The following CACNA1D variants were observed in gnomAD, a reference collection of about 807,000 sequenced individuals.
CACNA1D encodes the protein calcium voltage-gated channel subunit alpha1 D.
A neutral mutation model predicts 257.1 loss-of-function variants in CACNA1D; 55 were observed. The ratio of observed to expected loss-of-function variants is 0.21; its 90% CI spans 0.17 to 0.27. The LOEUF (loss-of-function observed/expected upper bound fraction) is 0.27, where lower values mean the gene tolerates loss of function less well. Among genes scored for constraint, CACNA1D ranks in the 10% least tolerant of loss-of-function variants. The pLI, the probability that CACNA1D is intolerant of heterozygous loss-of-function variation, is 1.00. For synonymous variants in CACNA1D, 980 were observed against 1,014.9 expected (o/e 0.97, Z 0.65); for missense variants, 1,876 against 2,784.0 (o/e 0.67, Z 7.34).
intron 19 of CACNA1D, among the ~76,000 whole-genome samples, chr3:53,734,004 A>G (rs576537623): frequency 3.3e-5 from 1 of 30,008 alleles, no homozygotes; most frequent in East Asian, 2.4e-3. Flanking sequence ...ATATACATAT[A>G]TATATGTGTG....
chr3:53,781,471 C>T (rs2095424985), intron 38 of CACNA1D, 95 bp from the exon 39 acceptor site: 1 of 817,812 alleles, frequency 1.2e-6, no homozygotes, highest in Admixed American at 1.9e-5. Context: ...GCAGCATGTT[C>T]ATCCAGGTCA....
intron 3 of CACNA1D, among the ~76,000 whole-genome samples, chr3:53,608,099 C>T (rs982785199): frequency 6.6e-6 from 1 of 152,158 alleles, no homozygotes; most frequent in Non-Finnish European, 1.5e-5. Flanking sequence ...GGAGAATTGA[C>T]ATTTTAATAT....
At chr3:53,581,630 C>G (rs949182616) in intron 3 of CACNA1D, among the ~76,000 whole-genome samples, 1 of 152,210 alleles carries the variant, frequency 6.6e-6, no homozygotes, top group Non-Finnish European at 1.5e-5. Flanking sequence ...TCTGGAACAT[C>G]AGGGCTGACA....
intron 40 of CACNA1D, among the ~76,000 whole-genome samples, chr3:53,788,061 G>T (rs1231391930): frequency 6.6e-6 from 1 of 152,152 alleles, no homozygotes; most frequent in Admixed American, 6.5e-5. Flanking sequence ...TCAAAGTGAT[G>T]GTAACAGCCC....
chr3:53,796,457 G>A, intron 40 of CACNA1D: 1 of 453,074 alleles, frequency 2.2e-6, no homozygotes, highest in Non-Finnish European at 4.5e-6. Context: ...CGCTGTGAGG[G>A]CTGGCAGATG....
chr3:53,797,898 T>G (rs2106732133), intron 40 of CACNA1D: 1 of 152,340 alleles, frequency 6.6e-6, no homozygotes, highest in Middle Eastern at 3.4e-3. Flanking sequence ...CAAATTTACT[T>G]GGGGGTGTTG....
At chr3:53,710,272 G>C in intron 9 of CACNA1D, 1 of 410,316 alleles carries the variant, frequency 2.4e-6, no homozygotes, top group Admixed American at 2.6e-5. Flanking sequence ...GGGGTCTGGG[G>C]CAGGCGGGCG....
intron 8 of CACNA1D, chr3:53,679,891 T>A (rs1370945578): frequency 6.6e-6 from 1 of 152,244 alleles, no homozygotes; most frequent in Non-Finnish European, 1.5e-5. Flanking sequence ...CTCACATGGC[T>A]TGGCTTTGGT....
At chr3:53,571,577 G>T (rs2107690115) in intron 3 of CACNA1D, among the ~76,000 whole-genome samples, 1 of 152,214 alleles carries the variant, frequency 6.6e-6, no homozygotes, top group East Asian at 1.9e-4. Context: ...CAGGTTCTCT[G>T]TGGTCAGGGA....
chr3:53,520,983 T>G (rs953456002), intron 3 of CACNA1D, among the ~76,000 whole-genome samples: 2 of 151,402 alleles, frequency 1.3e-5, no homozygotes, highest in Non-Finnish European at 1.5e-5. Flanking sequence ...TTCTCTTTCT[T>G]TTCCTTTTCT....
At chr3:53,573,401 T>G (rs1276690632) in intron 3 of CACNA1D, among the ~76,000 whole-genome samples, 1 of 152,212 alleles carries the variant, frequency 6.6e-6, no homozygotes, top group East Asian at 1.9e-4. Context: ...GCCTTTGTAC[T>G]TGCTCGGCCT....
intron 3 of CACNA1D, among the ~76,000 whole-genome samples, chr3:53,557,904 G>A (rs913539287): frequency 4.6e-5 from 7 of 152,202 alleles, no homozygotes; most frequent in Admixed American, 6.5e-5. Flanking sequence ...AAAGCCTGCT[G>A]TGATTTTGAT....
intron 9 of CACNA1D, among the ~76,000 whole-genome samples, chr3:53,713,333 C>T (rs2094780904): frequency 6.6e-6 from 1 of 152,204 alleles, no homozygotes; most frequent in African/African-American, 2.4e-5. Context: ...GTCCCATTGT[C>T]ACCTGATGAT....
chr3:53,655,265 C>A (rs2094137264), intron 4 of CACNA1D, among the ~76,000 whole-genome samples: 1 of 152,112 alleles, frequency 6.6e-6, no homozygotes, highest in Non-Finnish European at 1.5e-5. Context: ...GTGAATAGTG[C>A]CACAGTGAAC....
chr3:53,515,013 C>T (rs1168436733), intron 3 of CACNA1D, among the ~76,000 whole-genome samples: 2 of 152,136 alleles, frequency 1.3e-5, no homozygotes, highest in Non-Finnish European at 2.9e-5. Context: ...GGACCATACC[C>T]CATCATCATT....
chr3:53,559,494 A>T (rs2107627561), intron 3 of CACNA1D, among the ~76,000 whole-genome samples: 1 of 152,280 alleles, frequency 6.6e-6, no homozygotes, highest in South Asian at 2.1e-4. Flanking sequence ...CTGGTTGCAA[A>T]TTCTGACCTG....
intron 2 of CACNA1D, 121 bp downstream of exon 2, chr3:53,497,582 T>C (rs1448502276): frequency 2.1e-5 from 21 of 1,013,024 alleles, no homozygotes; most frequent in Non-Finnish European, 3.0e-5. Flanking sequence ...ACAGAAGTTG[T>C]ATATAAGGGG....
At chr3:53,794,638 T>C (rs1050584253) in intron 40 of CACNA1D, among the ~76,000 whole-genome samples, 12 of 152,330 alleles carry the variant, frequency 7.9e-5, no homozygotes, top group South Asian at 2.1e-4. Context: ...CTCTACATTA[T>C]TGAAGACCCT....
chr3:53,542,921 G>C (rs1054209255), intron 3 of CACNA1D, among the ~76,000 whole-genome samples: 1 of 151,814 alleles, frequency 6.6e-6, no homozygotes, highest in African/African-American at 2.4e-5. Context: ...GCGTGGTGGC[G>C]CATGCCTGTA....
Sources: gnomAD v4.1 joint callset for allele counts (sites outside exome capture counted in the v4.1 genomes callset) on GRCh38, gnomAD v4.1.1 for gene constraint, MANE v1.5 for transcripts, NCBI Gene and HGNC (gene_info 2026-07-23, HGNC 2026-07-21) for gene names.